PRKN: variants seen among roughly 807,000 people sequenced by gnomAD.
PRKN encodes E3 ubiquitin-protein ligase parkin.
In PRKN, 56 loss-of-function variants were observed where a neutral mutation model predicts 59.5. The observed-to-expected ratio is 0.94, with a 90% confidence interval of 0.76 to 1.18. PRKN has a LOEUF of 1.18. PRKN is among the 50% of genes most tolerant of loss of function. The probability of loss-of-function intolerance (pLI) is 0.00; values close to 1 mark genes in which losing one functional copy is unlikely to be tolerated. For missense variants in PRKN, 657 were observed against 596.4 expected (o/e 1.10, Z -1.06); for synonymous variants, 250 against 222.1 (o/e 1.13, Z -1.12).
intron 1 of PRKN, among the ~76,000 whole-genome samples, chr6:162,645,878 T>C (rs1778157823): frequency 1.4e-5 from 2 of 145,368 alleles, no homozygotes; most frequent in Non-Finnish European, 3.0e-5. Flanking sequence ...CTTTTTTTTT[T>C]TTTTTTTTTT....
chr6:161,728,641 G>A (rs1787548996), intron 7 of PRKN, among the ~76,000 whole-genome samples: 1 of 152,208 alleles, frequency 6.6e-6, no homozygotes, highest in Non-Finnish European at 1.5e-5. Context: ...CTTCAAGTGT[G>A]TATTTATTTA....
intron 6 of PRKN, among the ~76,000 whole-genome samples, chr6:161,813,235 C>T (rs1221628306): frequency 1.3e-5 from 2 of 152,110 alleles, no homozygotes; most frequent in Non-Finnish European, 2.9e-5. Flanking sequence ...AGGATATGAA[C>T]TTCTCATCAT....
chr6:162,339,083 C>A (rs1436681064), intron 2 of PRKN, among the ~76,000 whole-genome samples: 17 of 146,078 alleles, frequency 1.2e-4, no homozygotes, highest in African/African-American at 3.1e-4. Context: ...AAGTGAGGAG[C>A]CCCTCCGACC....
chr6:162,705,013 G>A (rs1778288738), intron 1 of PRKN, among the ~76,000 whole-genome samples: 2 of 151,984 alleles, frequency 1.3e-5, no homozygotes, highest in East Asian at 1.9e-4. Context: ...ATATTACTTC[G>A]TAGGTAATGT....
intron 9 of PRKN, among the ~76,000 whole-genome samples, chr6:161,476,568 G>C (rs1182377183): frequency 6.6e-6 from 1 of 152,168 alleles, no homozygotes; most frequent in Non-Finnish European, 1.5e-5. Context: ...AGATGTTATT[G>C]AGAGTTCCCC....
At position 161,413,160 on chromosome 6, in the gene PRKN, C is replaced by T. The variant is rs992511701; in HGVS notation, c.1084-26283G>A. Among the ~76,000 whole-genome samples the T allele has an allele frequency of 5.3e-5, 8 of 152,142 alleles. No homozygotes were observed. Among genetic ancestry groups the T allele is most frequent in the South Asian group, 2.1e-4 (1 of 4,826 alleles). On this transcript the variant is annotated intron_variant, in intron 9 of 11. Transcript: ENST00000366898. This position sits in a 1 kb window ranked among gnomAD's most constrained non-coding sequence, Gnocchi z 4.4. ...GTCAAGTACGTGGAAGTCTGAGGGG[C>T]GGAGGAATGTGCATTTAGGGTCGTG...
At chr6:162,133,342 G>A (rs1781446880) in intron 4 of PRKN, among the ~76,000 whole-genome samples, 1 of 152,174 alleles carries the variant, frequency 6.6e-6, no homozygotes, top group East Asian at 1.9e-4. Flanking sequence ...ATGGGGGCCT[G>A]TATAAGAAAG....
At chr6:161,847,661 T>C (rs947939029) in intron 6 of PRKN, among the ~76,000 whole-genome samples, 3 of 152,004 alleles carry the variant, frequency 2.0e-5, no homozygotes, top group Non-Finnish European at 2.9e-5. Flanking sequence ...AAAATTAGCA[T>C]AGTAAAAAAA....
At position 161,400,356 on chromosome 6, in the gene PRKN, G is replaced by A. The variant is rs185113315; in HGVS notation, c.1084-13479C>T. On this transcript the variant is annotated intron_variant, in intron 9 of 11. Transcript: ENST00000366898. This position sits in a 1 kb window ranked among gnomAD's most constrained non-coding sequence, Gnocchi z 4.2. ...GAATTTCACTCTTGTCACCCAGGCT[G>A]GAGTGCAATGGCACGATCTCCGCTC... is the stretch of plus-strand genomic sequence containing the variant. Among the ~76,000 whole-genome samples, 2 of 150,746 alleles carry A rather than the reference G, an allele frequency of 1.3e-5. No homozygotes were observed. The highest frequency in any genetic ancestry group is 1.3e-4 in the Admixed American group (2 of 15,092).
intron 2 of PRKN, among the ~76,000 whole-genome samples, chr6:162,359,079 A>AAT (rs1554304695): frequency 0.012 from 991 of 83,170 alleles, 31 homozygotes; most frequent in African/African-American, 0.044. Flanking sequence ...AAAAAAAAAA[A>AAT]ATATATATAT....
At chr6:161,690,980 TCCATCCATCCATCCATCCATCCATCCAA>T (rs983258699) in intron 7 of PRKN, among the ~76,000 whole-genome samples, 4 of 150,482 alleles carry the variant, frequency 2.7e-5, no homozygotes, top group Admixed American at 1.3e-4. Flanking sequence ...CATCCATCCA[TCCATCCATCCATCCATCCATCCATCCAA>T]CCATCCGTCC....
chr6:161,432,792 G>A (rs1045432038), intron 9 of PRKN, among the ~76,000 whole-genome samples: 3 of 151,982 alleles, frequency 2.0e-5, no homozygotes, highest in Admixed American at 6.6e-5. Context: ...TAAAGCACAT[G>A]ACAAAAATAT....
rs1779737148 is a variant in PRKN at position 161,544,767 on chromosome 6, C to T, written c.1083+4087G>A. ...GACATCATCACTTAAATGGAAATCC[C>T]TGTCTTCATTTATTAGTTAAGGTAC... is the stretch of plus-strand genomic sequence containing the variant. On this transcript the variant is annotated intron_variant, in intron 9 of 11. Coordinates refer to ENST00000366898, the MANE Select transcript of PRKN (RefSeq NM_004562.3). This position sits in a 1 kb window ranked among gnomAD's most constrained non-coding sequence, Gnocchi z 5.5. 6.6e-6 allele frequency among the ~76,000 whole-genome samples: 1 copy of T among 152,180 alleles called. No homozygotes were observed. Among genetic ancestry groups the T allele is most frequent in the African/African-American group, 2.4e-5 (1 of 41,452 alleles).
At chr6:162,416,427 CTA>C (rs757918393) in intron 2 of PRKN, among the ~76,000 whole-genome samples, 13 of 152,192 alleles carry the variant, frequency 8.5e-5, no homozygotes, top group Non-Finnish European at 1.9e-4. Flanking sequence ...AAGAAGAAAA[CTA>C]TGTTTCTGGA....
chr6:161,464,829 G>A (rs1790380939), intron 9 of PRKN, among the ~76,000 whole-genome samples: 1 of 152,186 alleles, frequency 6.6e-6, no homozygotes, highest in African/African-American at 2.4e-5. Context: ...CAAATGTCAG[G>A]TAAAACCATC....
chr6:161,932,540 T>G (rs1354733352), intron 6 of PRKN, among the ~76,000 whole-genome samples: 1 of 152,218 alleles, frequency 6.6e-6, no homozygotes, highest in Non-Finnish European at 1.5e-5. Flanking sequence ...GTTTGTATAC[T>G]TTTATTTTTA....
At chr6:161,802,319 A>C (rs1791115830) in intron 6 of PRKN, among the ~76,000 whole-genome samples, 1 of 151,782 alleles carries the variant, frequency 6.6e-6, no homozygotes, top group Non-Finnish European at 1.5e-5. Context: ...TCTGTCCCTT[A>C]GCTCCTTCTC....
rs1787491306 is a variant in PRKN at position 161,727,470 on chromosome 6, G to A, written c.871+58302C>T. Among the ~76,000 whole-genome samples, 4 of 152,288 alleles carry A rather than the reference G, an allele frequency of 2.6e-5. No individual in the cohort carries two copies. In the South Asian group the frequency reaches 8.3e-4, roughly 32 times the overall value. ...TGCTTTTAGATAACAAGGATGTAAT[G>A]GAAGCAGCCTCAAATGAAGAAACTT... On this transcript the variant is annotated intron_variant, in intron 7 of 11. Transcript: ENST00000366898.
intron 6 of PRKN, among the ~76,000 whole-genome samples, chr6:161,969,654 A>C (rs1466738924): frequency 6.6e-6 from 1 of 152,164 alleles, no homozygotes; most frequent in Non-Finnish European, 1.5e-5. Context: ...GAGTCTGTTC[A>C]GTCAGTTGGA....
Sources: gnomAD v4.1 joint callset for allele counts (sites outside exome capture counted in the v4.1 genomes callset) on GRCh38, gnomAD v4.1.1 for gene constraint, Gnocchi (gnomAD v3.1) non-coding constraint, MANE v1.5 for transcripts, NCBI Gene and HGNC (gene_info 2026-07-23, HGNC 2026-07-21) for gene names.